Variants in ALG9 observed in about 807,000 individuals in gnomAD.
ALG9 encodes alpha-1,2-mannosyltransferase ALG9.
In ALG9, 55 loss-of-function variants were observed where a neutral mutation model predicts 81.8. That is an observed-to-expected ratio of 0.67 (90% CI 0.54 to 0.84). ALG9 has a LOEUF of 0.84. Ranked by LOEUF, ALG9 falls within the 40% of genes least tolerant of loss-of-function variation. ALG9 has a pLI of 0.00. For missense variants in ALG9, 629 were observed against 745.0 expected (o/e 0.84, Z 1.81); for synonymous variants, 278 against 274.3 (o/e 1.01, Z -0.13).
intron 4 of ALG9, among the ~76,000 whole-genome samples, chr11:111,863,693 A>G (rs1961197347): frequency 6.6e-6 from 1 of 152,230 alleles, no homozygotes; most frequent in Admixed American, 6.5e-5. Flanking sequence ...CGGGACACTT[A>G]AATGCTTAAT....
intron 4 of ALG9, among the ~76,000 whole-genome samples, chr11:111,863,891 C>G (rs1386219260): frequency 1.3e-5 from 2 of 152,028 alleles, no homozygotes; most frequent in East Asian, 3.9e-4. Flanking sequence ...CAAGTAAAGA[C>G]CAGTTAGATA....
chr11:111,857,947 G>GTTTT, intron 5 of ALG9: 1 of 427,468 alleles, frequency 2.3e-6, no homozygotes, highest in Non-Finnish European at 4.1e-6. Flanking sequence ...CTCACTCCTG[G>GTTTT]TTTTTTTTTT....
At chr11:111,865,278 A>G in intron 3 of ALG9, 27 bp from the exon 4 acceptor site, 1 of 1,525,908 alleles carries the variant, frequency 6.6e-7, no homozygotes, top group Non-Finnish European at 8.9e-7. Flanking sequence ...AAAAGAAAAC[A>G]GAAGTCACAG....
rs1555126919 is a variant in ALG9, at chr11:111,844,449, A to G, written c.1018+152T>C. 1.2e-5 allele frequency: 13 copies of G among 1,127,906 alleles called. No homozygotes were observed. In the Admixed American group the frequency reaches 2.3e-4, roughly 20 times the overall value. 69.9% of individuals were successfully genotyped at this position (1,127,906 alleles called of 1,614,324 possible). The stretch of plus-strand genomic sequence containing the variant: ...CCAAATCTTCACAAGGGTTCAATGG[A>G]TCAACAAACACAGACTGAAAATTCA... On this transcript the variant is annotated intron_variant, in intron 9 of 14. Coordinates refer to ENST00000616540, the MANE Select transcript of ALG9 (RefSeq NM_024740.2).
chr11:111,862,091 A>T (rs1171031897), intron 4 of ALG9, among the ~76,000 whole-genome samples: 2 of 152,044 alleles, frequency 1.3e-5, no homozygotes, highest in Non-Finnish European at 2.9e-5. Flanking sequence ...AAATCCATGG[A>T]TTAGCATCTT....
chr11:111,868,320 C>A (rs1281846277), intron 3 of ALG9, among the ~76,000 whole-genome samples: 1 of 152,140 alleles, frequency 6.6e-6, no homozygotes, highest in African/African-American at 2.4e-5. Flanking sequence ...CCATAAGACC[C>A]ACCATATTTA....
intron 9 of ALG9, among the ~76,000 whole-genome samples, chr11:111,841,953 G>A (rs1956278903): frequency 6.6e-6 from 1 of 152,166 alleles, no homozygotes; most frequent in Non-Finnish European, 1.5e-5. Flanking sequence ...CTGAAGTGCA[G>A]TGGCACAATC....
chr11:111,781,287 C>T (rs1176511936), downstream of ALG9, among the ~76,000 whole-genome samples: 2 of 152,124 alleles, frequency 1.3e-5, no homozygotes, highest in African/African-American at 4.8e-5. Context: ...ATAACAAGGA[C>T]ATTAGGAATT....
At chr11:111,811,085 T>A (rs782384474) in intron 13 of ALG9, among the ~76,000 whole-genome samples, 2 of 152,210 alleles carry the variant, frequency 1.3e-5, no homozygotes, top group South Asian at 4.1e-4. Context: ...TTGGAATTAT[T>A]AAGACAGTTT....
At chr11:111,866,258 C>G (rs1555152913) in intron 3 of ALG9, among the ~76,000 whole-genome samples, 1 of 152,192 alleles carries the variant, frequency 6.6e-6, no homozygotes, top group Non-Finnish European at 1.5e-5. Context: ...GATCGTGCCA[C>G]TGCACTCCAG....
chr11:111,775,703 C>T, the ALG9 span, among the ~76,000 whole-genome samples: 2 of 152,078 alleles, frequency 1.3e-5, no homozygotes, highest in African/African-American at 4.8e-5. Context: ...AGTGAGACCC[C>T]ATCTCTAAAT....
intron 11 of ALG9, 77 bp from the exon 12 acceptor site, chr11:111,837,692 G>T: frequency 6.6e-7 from 1 of 1,512,660 alleles, no homozygotes. Flanking sequence ...GCTCATTAAT[G>T]TCGCACTGTA....
At chr11:111,858,963 G>C (rs144511769) in intron 5 of ALG9, among the ~76,000 whole-genome samples, 1 of 152,272 alleles carries the variant, frequency 6.6e-6, no homozygotes, top group African/African-American at 2.4e-5. Context: ...TCAGTACTCT[G>C]GGAGGCCAAG....
At chr11:111,842,594 T>A (rs184308647) in intron 9 of ALG9, among the ~76,000 whole-genome samples, 99 of 152,038 alleles carry the variant, frequency 6.5e-4, no homozygotes, top group African/African-American at 2.3e-3. Context: ...GTTAATTTTT[T>A]AATTTTTTTC....
In ALG9 at chr11:111,871,500, A is replaced by T. The variant is rs1555159127; in HGVS notation, c.-18T>A. On this transcript the variant is annotated 5_prime_UTR_variant, in exon 1 of 15. Transcript: ENST00000616540. ...CTAGCCATGGCAAGCCTGGGGAAAA[A>T]AGAATTCGGCACCCTATGAAGTCGG... 2 of 1,536,358 alleles carry T rather than the reference A, an allele frequency of 1.3e-6. No homozygotes were observed. The highest frequency in any genetic ancestry group is 1.7e-6 in the Non-Finnish European group (2 of 1,146,592).
At chr11:111,843,181 C>T (rs1956480749) in intron 9 of ALG9, among the ~76,000 whole-genome samples, 1 of 152,074 alleles carries the variant, frequency 6.6e-6, no homozygotes, top group Non-Finnish European at 1.5e-5. Context: ...AAGTTAACAC[C>T]TCAAGGGAGC....
At chr11:111,870,169 T>C (rs1963843290) in intron 2 of ALG9, 63 bp downstream of exon 2, 16 of 1,520,836 alleles carry the variant, frequency 1.1e-5, no homozygotes, top group East Asian at 7.1e-5. Context: ...TGTCTCTCGA[T>C]TGGTAATAAC....
chr11:111,797,623 A>T (rs986442088), intron 14 of ALG9, among the ~76,000 whole-genome samples: 12 of 152,366 alleles, frequency 7.9e-5, no homozygotes, highest in African/African-American at 2.6e-4. Flanking sequence ...TGCCCTTTAC[A>T]GTAATCACTC....
intron 14 of ALG9, among the ~76,000 whole-genome samples, chr11:111,804,557 C>A (rs1049466170): frequency 6.6e-6 from 1 of 152,166 alleles, no homozygotes; most frequent in African/African-American, 2.4e-5. Context: ...CACCACTGTA[C>A]TCCAGCTTGG....
Sources: allele counts gnomAD v4.1 joint callset (sites outside exome capture counted in the v4.1 genomes callset), GRCh38; gene constraint gnomAD v4.1.1; transcripts MANE v1.5; gene names NCBI Gene and HGNC (gene_info 2026-07-23, HGNC 2026-07-21).